The following ANXA8 variants were observed in gnomAD, a reference collection of about 807,000 sequenced individuals.
The protein encoded by ANXA8 is VAC-beta.
Under a neutral mutation model 26.8 loss-of-function variants are expected in ANXA8, and 9 were observed. The observed-to-expected ratio is 0.34, with a 90% confidence interval of 0.20 to 0.59. ANXA8 has a LOEUF of 0.59. Ranked by LOEUF, ANXA8 falls within the 20% of genes least tolerant of loss-of-function variation. The pLI is 0.84. For missense variants in ANXA8, 83 were observed against 238.5 expected (o/e 0.35, Z 4.29); for synonymous variants, 39 against 94.8 (o/e 0.41, Z 3.42).
chr10:47,676,530 A>G, the ANXA8 span, among the ~76,000 whole-genome samples: 4 of 151,948 alleles, frequency 2.6e-5, no homozygotes, highest in Non-Finnish European at 4.4e-5. Flanking sequence ...ATGTTTTAGG[A>G]CCAGAAAAAA....
At chr10:47,513,116 C>A in the ANXA8 span, among the ~76,000 whole-genome samples, 1 of 147,656 alleles carries the variant, frequency 6.8e-6, no homozygotes, top group Non-Finnish European at 1.5e-5. Context: ...CTCACTGCAA[C>A]CTCTGCCTCC....
At chr10:47,989,201 C>G in the ANXA8 span, among the ~76,000 whole-genome samples, 3 of 139,108 alleles carry the variant, frequency 2.2e-5, no homozygotes, top group Non-Finnish European at 4.8e-5. Flanking sequence ...ATGACTCCAC[C>G]TTTCCCAGGC....
At chr10:47,930,668 C>T in the ANXA8 span, among the ~76,000 whole-genome samples, 2 of 152,306 alleles carry the variant, frequency 1.3e-5, no homozygotes, top group Admixed American at 1.3e-4. Flanking sequence ...GAAGTAGGCA[C>T]TGTAGATGTT....
At chr10:47,763,435 C>G in the ANXA8 span, 1 of 981,122 alleles carries the variant, frequency 1.0e-6, no homozygotes, top group East Asian at 1.2e-4. Context: ...CTCGTAAGGG[C>G]GGCTGGCCTG....
At chr10:47,595,413 G>A in the ANXA8 span, among the ~76,000 whole-genome samples, 1 of 147,776 alleles carries the variant, frequency 6.8e-6, no homozygotes, top group Non-Finnish European at 1.5e-5. Flanking sequence ...ACATATCAAT[G>A]TTAACCTTGA....
the ANXA8 span, among the ~76,000 whole-genome samples, chr10:47,694,839 C>T: frequency 6.6e-6 from 1 of 151,016 alleles, no homozygotes; most frequent in Non-Finnish European, 1.5e-5. Context: ...TAAGGATTAC[C>T]TAAGGGAGAC....
At chr10:47,683,511 G>A in the ANXA8 span, among the ~76,000 whole-genome samples, 1 of 151,944 alleles carries the variant, frequency 6.6e-6, no homozygotes, top group East Asian at 1.9e-4. Context: ...TCTTAAAAGA[G>A]TTCAGCATGA....
upstream of ANXA8, among the ~76,000 whole-genome samples, chr10:47,486,451 A>G (rs1840049079): frequency 7.2e-6 from 1 of 139,736 alleles, no homozygotes; most frequent in Non-Finnish European, 1.6e-5. Context: ...TTCTTCCAGA[A>G]GAGCCCCTTC....
chr10:47,599,754 T>C, the ANXA8 span: 1 of 151,420 alleles, frequency 6.6e-6, no homozygotes, highest in Non-Finnish European at 1.5e-5. Context: ...ATTCGCTTGA[T>C]AGCCAATTAA....
At chr10:47,693,679 A>G in the ANXA8 span, among the ~76,000 whole-genome samples, 3 of 151,818 alleles carry the variant, frequency 2.0e-5, no homozygotes, top group Non-Finnish European at 2.9e-5. Context: ...AGCTAATATT[A>G]TTTATATGTG....
chr10:47,722,884 G>A, the ANXA8 span, among the ~76,000 whole-genome samples: 3 of 142,260 alleles, frequency 2.1e-5, no homozygotes, highest in Admixed American at 2.1e-4. Flanking sequence ...GGAAGCGGTA[G>A]GAATAAAAAG....
chr10:47,901,174 T>A, the ANXA8 span, among the ~76,000 whole-genome samples: 1 of 129,748 alleles, frequency 7.7e-6, no homozygotes. Flanking sequence ...AAGGCAAGGA[T>A]CTTTTGCTGC....
At chr10:47,696,354 AT>A in the ANXA8 span, 4 of 833,736 alleles carry the variant, frequency 4.8e-6, no homozygotes, top group African/African-American at 7.6e-5. Context: ...GGTTAACCAC[AT>A]TGTGAAGGAA....
chr10:47,470,367 TG>T (rs1405148970), intron 11 of ANXA8, among the ~76,000 whole-genome samples: 2 of 144,252 alleles, frequency 1.4e-5, no homozygotes, highest in Admixed American at 7.0e-5. Context: ...TTACCATGTG[TG>T]GTTAAAAGGG....
the ANXA8 span, among the ~76,000 whole-genome samples, chr10:47,638,923 G>T: frequency 6.9e-6 from 1 of 145,136 alleles, no homozygotes; most frequent in Non-Finnish European, 1.5e-5. Context: ...TCATCCAAAC[G>T]TATGTTTTTA....
At chr10:47,658,965 A>C in the ANXA8 span, among the ~76,000 whole-genome samples, 4 of 148,948 alleles carry the variant, frequency 2.7e-5, no homozygotes, top group East Asian at 7.8e-4. Flanking sequence ...TCCGCCTCCC[A>C]GGTTCATGCC....
rs1473339147 is a variant in ANXA8, at chr10:47,470,201, C to A, written c.924+1061G>T. ...TTTTAACTCATATTAGTGTTGAAAA[C>A]CATTTTTGCTTTAATGACATCTGTG... is the stretch of plus-strand genomic sequence containing the variant. On this transcript the variant is annotated intron_variant, in intron 11 of 11. Transcript: ENST00000585281. Among the ~76,000 whole-genome samples the A allele has an allele frequency of 1.4e-4, 21 of 151,846 alleles. No homozygotes were observed. The South Asian group carries it at 2.7e-3, about 19-fold the overall frequency.
At chr10:47,960,751 C>G in the ANXA8 span, among the ~76,000 whole-genome samples, 1 of 145,624 alleles carries the variant, frequency 6.9e-6, no homozygotes, top group Admixed American at 6.8e-5. Flanking sequence ...TGATCATGCC[C>G]CCCCAACAGT....
At chr10:47,974,972 A>C in the ANXA8 span, among the ~76,000 whole-genome samples, 1 of 149,808 alleles carries the variant, frequency 6.7e-6, no homozygotes, top group Non-Finnish European at 1.5e-5. Context: ...TAAAATGCAA[A>C]TGTGCTATTA....
Sources: gnomAD v4.1 joint callset for allele counts (sites outside exome capture counted in the v4.1 genomes callset) on GRCh38, gnomAD v4.1.1 for gene constraint, MANE v1.5 for transcripts, NCBI Gene and HGNC (gene_info 2026-07-23, HGNC 2026-07-21) for gene names.